Variants in FRMD4A observed in about 807,000 individuals in gnomAD.
FRMD4A encodes the protein FERM domain containing 4A, also known as FERM domain-containing protein 4A.
In FRMD4A, 29 loss-of-function variants were observed where a neutral mutation model predicts 129.1. That is an observed-to-expected ratio of 0.22 (90% CI 0.17 to 0.31). The LOEUF (loss-of-function observed/expected upper bound fraction) is 0.31, where lower values mean the gene tolerates loss of function less well. FRMD4A is among the 10% of genes least tolerant of loss of function. FRMD4A has a pLI of 1.00. For missense variants in FRMD4A, 1,272 were observed against 1,375.8 expected (o/e 0.92, Z 1.19); for synonymous variants, 634 against 571.6 (o/e 1.11, Z -1.56).
intron 2 of FRMD4A, among the ~76,000 whole-genome samples, chr10:13,944,114 T>A (rs1273663123): frequency 6.6e-6 from 1 of 152,144 alleles, no homozygotes; most frequent in Non-Finnish European, 1.5e-5. Context: ...TTCTTGGGGA[T>A]CTTATGTAGC....
intron 2 of FRMD4A, among the ~76,000 whole-genome samples, chr10:14,296,722 T>C (rs141548455): frequency 7.4e-4 from 112 of 152,282 alleles, no homozygotes; most frequent in African/African-American, 2.7e-3. Flanking sequence ...TTACAACCAC[T>C]CTCTGCCCCA....
At chr10:13,739,817 G>A (rs747947317) in intron 11 of FRMD4A, among the ~76,000 whole-genome samples, 8 of 152,102 alleles carry the variant, frequency 5.3e-5, no homozygotes, top group Admixed American at 1.3e-4. Flanking sequence ...AAAACAATGA[G>A]GGCCAGGCGC....
chr10:13,722,227 C>CTTT (rs1204085901), intron 12 of FRMD4A, among the ~76,000 whole-genome samples: 2,988 of 126,760 alleles, frequency 0.024, 83 homozygotes, highest in Non-Finnish European at 0.037. Context: ...GGCCAGGGCT[C>CTTT]TTTTTTTTTT....
rs370949335 is a variant in FRMD4A at position 13,664,310 on chromosome 10, G to T, written c.1604-801C>A. Among the ~76,000 whole-genome samples the T allele has an allele frequency of 2.1e-4, 32 of 152,264 alleles. No homozygotes were observed. The South Asian group carries it at 5.2e-3, about 25-fold the overall frequency. On this transcript the variant is annotated intron_variant, in intron 18 of 24. Transcript: ENST00000357447. ...ATGTTTCTATAGGAAACATGTTTCT[G>T]TTGGGAACCCCTAAGTGCCTTGGAG... is the stretch of plus-strand genomic sequence containing the variant.
At chr10:14,276,500 G>T (rs1845345984) in intron 2 of FRMD4A, among the ~76,000 whole-genome samples, 1 of 152,184 alleles carries the variant, frequency 6.6e-6, no homozygotes, top group South Asian at 2.1e-4. Context: ...TAATGAAAAG[G>T]CCCCAGTCAT....
intron 2 of FRMD4A, among the ~76,000 whole-genome samples, chr10:14,046,863 C>T (rs960400262): frequency 1.3e-5 from 2 of 152,094 alleles, no homozygotes; most frequent in African/African-American, 4.8e-5. Flanking sequence ...AATTCCCATC[C>T]AGTGCTAACT....
chr10:13,864,692 C>A (rs1424852037), intron 2 of FRMD4A, among the ~76,000 whole-genome samples: 2 of 151,582 alleles, frequency 1.3e-5, no homozygotes, highest in Non-Finnish European at 2.9e-5. Flanking sequence ...TCTCCTGCCT[C>A]AGCCTCCCGA....
At chr10:13,876,156 G>T (rs1274429961) in intron 2 of FRMD4A, among the ~76,000 whole-genome samples, 1 of 152,206 alleles carries the variant, frequency 6.6e-6, no homozygotes, top group Admixed American at 6.5e-5. Flanking sequence ...GGGACAGACG[G>T]ACTCTAAGAT....
intron 17 of FRMD4A, among the ~76,000 whole-genome samples, chr10:13,668,718 A>G (rs910229590): frequency 1.3e-5 from 2 of 151,940 alleles, no homozygotes; most frequent in African/African-American, 4.8e-5. Context: ...TGTTGGGGGA[A>G]CTCCCTAAAA....
intron 2 of FRMD4A, among the ~76,000 whole-genome samples, chr10:13,921,338 T>G (rs974924122): frequency 1.4e-4 from 22 of 151,896 alleles, no homozygotes; most frequent in African/African-American, 5.3e-4. Flanking sequence ...CATGACTCAC[T>G]GAAGACTTGA....
At chr10:13,664,042 A>G (rs966151244) in intron 18 of FRMD4A, among the ~76,000 whole-genome samples, 3 of 152,234 alleles carry the variant, frequency 2.0e-5, no homozygotes, top group African/African-American at 7.2e-5. Flanking sequence ...TATAGATGCC[A>G]TTCAATTAAC....
intron 2 of FRMD4A, among the ~76,000 whole-genome samples, chr10:14,180,707 A>G (rs1190232288): frequency 6.6e-6 from 1 of 152,256 alleles, no homozygotes; most frequent in East Asian, 1.9e-4. Flanking sequence ...ACTGTGGAGC[A>G]GAGCTGACTA....
chr10:13,899,376 G>A (rs2094794432), intron 2 of FRMD4A, among the ~76,000 whole-genome samples: 1 of 150,274 alleles, frequency 6.7e-6, no homozygotes, highest in Non-Finnish European at 1.5e-5. Context: ...CTGTCCCTTG[G>A]TGAGTATGTA....
At chr10:14,043,853 G>T (rs1381356351) in intron 2 of FRMD4A, among the ~76,000 whole-genome samples, 2 of 152,034 alleles carry the variant, frequency 1.3e-5, no homozygotes, top group Admixed American at 6.6e-5. Flanking sequence ...TTAAGACAAG[G>T]TCTTGCCCTC....
At chr10:13,673,365 C>G (rs537406803) in intron 16 of FRMD4A, among the ~76,000 whole-genome samples, 5 of 152,192 alleles carry the variant, frequency 3.3e-5, no homozygotes, top group African/African-American at 9.6e-5. Flanking sequence ...TCTCACTCCA[C>G]GGCCCCTTGT....
intron 2 of FRMD4A, among the ~76,000 whole-genome samples, chr10:14,098,643 C>T (rs1837132793): frequency 6.6e-6 from 1 of 152,026 alleles, no homozygotes. Flanking sequence ...CTCCTGACCC[C>T]GTGATCCGCC....
At chr10:13,774,775 G>A (rs1041456541) in intron 6 of FRMD4A, among the ~76,000 whole-genome samples, 2 of 151,954 alleles carry the variant, frequency 1.3e-5, no homozygotes, top group Non-Finnish European at 2.9e-5. Flanking sequence ...AGGAAGCCTC[G>A]TACAGGAAAG....
At chr10:14,157,390 G>A (rs965136216) in intron 2 of FRMD4A, among the ~76,000 whole-genome samples, 5 of 152,212 alleles carry the variant, frequency 3.3e-5, no homozygotes, top group South Asian at 2.1e-4. Flanking sequence ...ACCACGGCAC[G>A]AATTTAGGAG....
rs528586876 is a variant in FRMD4A at position 13,701,240 on chromosome 10, G to A, written c.975+100C>T. 2.1e-5 allele frequency: 23 copies of A among 1,091,920 alleles called. No individual in the cohort carries two copies. The East Asian group carries it at 2.6e-4, about 12-fold the overall frequency. The allele number at this position is 1,091,920 out of a possible 1,614,324, so 67.6% of individuals were successfully genotyped here. A position where few individuals can be genotyped will look rare whatever the true frequency, so the allele number is the denominator to read the frequency against. On this transcript the variant is annotated intron_variant, in intron 14 of 24. Transcript: ENST00000357447. ...CTGTATCTGTGCAAGGTATGGACCCGGGCAAGGGACATGGCGCCTCCCCCA... is the reference window on the plus strand; with the variant it reads ...CTGTATCTGTGCAAGGTATGGACCCAGGCAAGGGACATGGCGCCTCCCCCA...
Sources: allele counts gnomAD v4.1 joint callset (sites outside exome capture counted in the v4.1 genomes callset), GRCh38; gene constraint gnomAD v4.1.1; transcripts MANE v1.5; gene names NCBI Gene and HGNC (gene_info 2026-07-23, HGNC 2026-07-21).